MAPT: variants seen among roughly 807,000 people sequenced by gnomAD.
The protein encoded by MAPT is microtubule associated protein tau.
Under a neutral mutation model 67.9 loss-of-function variants are expected in MAPT, and 34 were observed. The observed-to-expected ratio is 0.50, with a 90% CI of 0.38 to 0.67. MAPT has a LOEUF of 0.67. Ranked by LOEUF, MAPT falls within the 30% of genes least tolerant of loss-of-function variation. The pLI, the probability that MAPT is intolerant of heterozygous loss-of-function variation, is 0.00. For missense variants in MAPT, 881 were observed against 1,115.2 expected (o/e 0.79, Z 2.99); for synonymous variants, 456 against 464.5 (o/e 0.98, Z 0.23).
At chr17:45,938,784 C>T (rs545570685) in intron 1 of MAPT, among the ~76,000 whole-genome samples, 35 of 150,306 alleles carry the variant, frequency 2.3e-4, no homozygotes, top group Non-Finnish European at 4.4e-4. Context: ...GCTGGAACTA[C>T]AGGGGTGAGC....
rs1430420079 is a variant in MAPT, at chr17:45,922,488, C to CAA, written c.-18+27803_-18+27804insAA. 5.9e-3 allele frequency among the ~76,000 whole-genome samples: 594 copies of CAA among 100,050 alleles called. 7 individuals carry two copies. Among genetic ancestry groups the CAA allele is most frequent in the African/African-American group, 0.018 (569 of 32,254 alleles). The allele number at this position is 100,050 out of a possible 152,430, so 65.6% of individuals were successfully genotyped here. A position where few individuals can be genotyped will look rare whatever the true frequency, so the allele number is the denominator to read the frequency against. ...CCGTCCCTGCAGGCTAGCTAGAGAACACACACACACACACACACACACACA... is the reference window on the plus strand; with the variant it reads ...CCGTCCCTGCAGGCTAGCTAGAGAACAAACACACACACACACACACACACACA... On this transcript the variant is annotated intron_variant, in intron 1 of 12. Coordinates refer to ENST00000262410, the MANE Select transcript of MAPT (RefSeq NM_001377265.1).
intron 1 of MAPT, among the ~76,000 whole-genome samples, chr17:45,903,200 G>A (rs2063731604): frequency 6.6e-6 from 1 of 152,158 alleles, no homozygotes; most frequent in Non-Finnish European, 1.5e-5. Flanking sequence ...TCCTCCCCCA[G>A]CGTAAAGGAC....
At chr17:45,930,029 A>C (rs537891888) in intron 1 of MAPT, among the ~76,000 whole-genome samples, 1 of 152,296 alleles carries the variant, frequency 6.6e-6, no homozygotes, top group East Asian at 1.9e-4. Flanking sequence ...CTGACCACCA[A>C]GCCAGCTCTG....
intron 11 of MAPT, 40 bp downstream of exon 11, chr17:46,014,364 A>T: frequency 1.4e-6 from 2 of 1,402,530 alleles, no homozygotes; most frequent in South Asian, 2.3e-5. Context: ...GGGAGGGTGC[A>T]GGGGGTGGAG....
chr17:45,973,102 T>A (rs978674816), intron 3 of MAPT: 1 of 152,132 alleles, frequency 6.6e-6, no homozygotes, highest in Non-Finnish European at 1.5e-5. Flanking sequence ...TGTCTTGGGG[T>A]GAAAAACTGG....
At chr17:45,946,615 A>AAAAAAAATATATATATATATAT in intron 1 of MAPT, among the ~76,000 whole-genome samples, 35 of 100,324 alleles carry the variant, frequency 3.5e-4, no homozygotes, top group Non-Finnish European at 6.2e-4. Flanking sequence ...AAAAAAAAAA[A>AAAAAAAATATATATATATATAT]ATATATATAT....
chr17:46,014,410 G>A lies in MAPT; in HGVS notation c.2173+86G>A. On this transcript the variant is annotated intron_variant, in intron 11 of 12. Coordinates refer to ENST00000262410, the MANE Select transcript of MAPT (RefSeq NM_001377265.1). ...GAGGCTGGAACTGCTCCAGACTTCAGAAGGGGCTGGAAAGGATATTTTAGG... is the reference window on the plus strand; with the variant it reads ...GAGGCTGGAACTGCTCCAGACTTCAAAAGGGGCTGGAAAGGATATTTTAGG... 3.3e-6 allele frequency: 3 copies of A among 918,178 alleles called. No homozygotes were observed. The South Asian group carries it at 4.0e-5, about 12-fold the overall frequency. The allele number at this position is 918,178 out of a possible 1,614,324, so 56.9% of individuals were successfully genotyped here.
chr17:45,945,747 A>T (rs990517308), intron 1 of MAPT, among the ~76,000 whole-genome samples: 12 of 152,174 alleles, frequency 7.9e-5, no homozygotes, highest in African/African-American at 2.7e-4. Context: ...CAGGAGGTGA[A>T]GGTTGCAGTG....
At chr17:45,964,319 T>C (rs771705150) in intron 2 of MAPT, among the ~76,000 whole-genome samples, 20 of 151,602 alleles carry the variant, frequency 1.3e-4, no homozygotes, top group Middle Eastern at 3.4e-3. Flanking sequence ...CAACTTGTCA[T>C]TTACATTAGG....
intron 1 of MAPT, among the ~76,000 whole-genome samples, chr17:45,923,325 CA>C (rs2065939677): frequency 6.6e-6 from 1 of 152,154 alleles, no homozygotes; most frequent in Admixed American, 6.5e-5. Context: ...CAAGGGGATG[CA>C]GGGTCTGGAT....
intron 11 of MAPT, among the ~76,000 whole-genome samples, chr17:46,015,654 G>A (rs1024637330): frequency 6.6e-5 from 10 of 152,058 alleles, no homozygotes; most frequent in Non-Finnish European, 1.2e-4. Flanking sequence ...GTGAGACTCC[G>A]TCTCAAAACA....
At chr17:45,951,460 C>T (rs116283615) in intron 1 of MAPT, among the ~76,000 whole-genome samples, 1,700 of 152,288 alleles carry the variant, frequency 0.011, 25 homozygotes, top group African/African-American at 0.039. Flanking sequence ...CATCCCTCCC[C>T]TGCCTCACCC....
At chr17:45,953,072 T>TGCCTGCAAGGC (rs1047651303) in intron 1 of MAPT, among the ~76,000 whole-genome samples, 15 of 152,120 alleles carry the variant, frequency 9.9e-5, no homozygotes, top group African/African-American at 3.6e-4. Context: ...GTCACAGAGA[T>TGCCTGCAAGGC]GCCTGCAAGG....
chr17:45,975,041 T>C (rs1259774583), intron 3 of MAPT: 1 of 153,678 alleles, frequency 6.5e-6, no homozygotes, highest in Non-Finnish European at 1.4e-5. Context: ...CTTGTCAACA[T>C]GGGTGATGGG....
chr17:45,920,613 C>G (rs563289613), intron 1 of MAPT, among the ~76,000 whole-genome samples: 1 of 152,354 alleles, frequency 6.6e-6, no homozygotes, highest in East Asian at 1.9e-4. Flanking sequence ...CTTGACCCTC[C>G]CTGGCCTTCT....
rs1598408073 is a variant in MAPT at position 46,018,628 on chromosome 17, G to C, written c.2184G>C (p.Gln728His). ...GNIHHKPGGG[Q>H]VEVKSEKLDF... ...TGTGTTGTGTTCTAGGAGGTGGCCA[G>C]GTGGAAGTAAAATCTGAGAAGCTTG... The change falls in exon 12 of 13, where the codon CAG becomes CAC. Residue 728 changes from glutamine to histidine, a missense_variant. Transcript: ENST00000262410. 6.2e-7 allele frequency: 1 copy of C among 1,613,220 alleles called. No individual in the cohort carries two copies. Among genetic ancestry groups the C allele is most frequent in the Non-Finnish European group, 8.5e-7 (1 of 1,179,126 alleles).
intron 1 of MAPT, among the ~76,000 whole-genome samples, chr17:45,942,336 C>T (rs188984025): frequency 3.3e-5 from 5 of 152,338 alleles, no homozygotes; most frequent in East Asian, 1.9e-4. Flanking sequence ...CAGTTGGCTT[C>T]GCCCAGGGTG....
intron 9 of MAPT, chr17:45,999,188 AG>A: frequency 1.3e-6 from 2 of 1,506,824 alleles, no homozygotes; most frequent in African/African-American, 2.8e-5. Context: ...CATCTCCTCC[AG>A]GAAGTCTTCC....
intron 1 of MAPT, among the ~76,000 whole-genome samples, chr17:45,949,903 C>G (rs1297069785): frequency 6.6e-6 from 1 of 152,204 alleles, no homozygotes; most frequent in East Asian, 1.9e-4. Flanking sequence ...ACCTACAGAC[C>G]TGCTAGACAG....
Sources: allele counts gnomAD v4.1 joint callset (sites outside exome capture counted in the v4.1 genomes callset), GRCh38; gene constraint gnomAD v4.1.1; transcripts MANE v1.5; gene names NCBI Gene and HGNC (gene_info 2026-07-23, HGNC 2026-07-21).